PDZD7: variants seen among roughly 807,000 people sequenced by gnomAD.
The protein encoded by PDZD7 is PDZ domain containing 7, also known as PDZ domain-containing protein 7.
In PDZD7, 72 loss-of-function variants were observed where a neutral mutation model predicts 84.7. That is an observed-to-expected ratio of 0.85 (90% CI 0.70 to 1.03). PDZD7 has a LOEUF of 1.03. PDZD7 is among the 50% of genes least tolerant of loss of function. The probability of loss-of-function intolerance (pLI) is 0.00; values close to 1 mark genes in which losing one functional copy is unlikely to be tolerated. For synonymous variants in PDZD7, 594 were observed against 580.7 expected, an observed-to-expected ratio of 1.02 and a Z score of -0.33; for missense variants, 1,490 against 1,412.9, an observed-to-expected ratio of 1.05 and a Z score of -0.87.
chr10:101,008,654 T>C lies in PDZD7; in HGVS notation c.2915A>G (p.Asp972Gly), dbSNP rs1399532886. ...AAGGGGTTGGTGGGCAGGCAAGTGG[T>C]CAGCAGGAAGGCCCCCATCAGTAAG... ...SALTDGGLPA[D>G]HLPAHQPLDA... The change falls in exon 17 of 17, where the codon GAC becomes GGC. Residue 972 changes from aspartate to glycine, a missense_variant. Coordinates refer to ENST00000619208, the MANE Select transcript of PDZD7 (RefSeq NM_001195263.2). The C allele has an allele frequency of 1.3e-6, 2 of 1,535,678 alleles. No individual in the cohort carries two copies. The highest frequency in any genetic ancestry group is 1.7e-6 in the Non-Finnish European group (2 of 1,146,816).
intron 9 of PDZD7, chr10:101,017,838 G>GGAAAGAAA (rs1202852543): frequency 0.1 from 17,369 of 166,602 alleles, 745 homozygotes; most frequent in East Asian, 0.13. Flanking sequence ...AAGGAAGGAA[G>GGAAAGAAA]GAAAGAAAGA....
chr10:101,027,205 C>T (rs1476472563), intron 2 of PDZD7, among the ~76,000 whole-genome samples: 1 of 152,186 alleles, frequency 6.6e-6, no homozygotes, highest in Non-Finnish European at 1.5e-5. Flanking sequence ...GTCTCCTCAC[C>T]ATGCCCTATA....
At chr10:101,013,600 T>C (rs963083458) in intron 11 of PDZD7, among the ~76,000 whole-genome samples, 8 of 152,184 alleles carry the variant, frequency 5.3e-5, no homozygotes, top group Non-Finnish European at 1.2e-4. Flanking sequence ...ATGGGGTCCA[T>C]GAAGAGCCTC....
chr10:101,020,643 A>T lies in PDZD7; in HGVS notation c.903T>A (p.Val301=). ...GTCGGTCCAGCCAGCAGTACTCAGA[A>T]ACCATCTCCTTGTAGGCAGGATACC... ...TGRYPAYKEM[V]SEYCWLDRLS... is the part of the protein sequence containing the mutation. The change falls in exon 7 of 17, where the codon GTT becomes GTA. Residue 301 remains valine, a synonymous_variant. Transcript: ENST00000619208. The T allele has an allele frequency of 6.2e-7, 1 of 1,614,086 alleles. No homozygotes were observed. Among genetic ancestry groups the T allele is most frequent in the South Asian group, 1.1e-5 (1 of 91,068 alleles).
Position 101,008,263 on chromosome 10 carries a change from A to G in PDZD7, c.*204T>C. The stretch of plus-strand genomic sequence containing the variant: ...TGAGTGCAGGTGACACAGGCTGCCC[A>G]CTAGCACCTTGTCCTTGGACACTAA... On this transcript the variant is annotated 3_prime_UTR_variant, in exon 17 of 17. Coordinates refer to ENST00000619208, the MANE Select transcript of PDZD7 (RefSeq NM_001195263.2). 2 of 614,706 alleles carry G rather than the reference A, an allele frequency of 3.3e-6. No homozygotes were observed. Among genetic ancestry groups the G allele is most frequent in the Non-Finnish European group, 5.5e-6 (2 of 363,270 alleles). 38.1% of individuals were successfully genotyped at this position (614,706 alleles called of 1,614,324 possible). A position where few individuals can be genotyped will look rare whatever the true frequency, so the allele number is the denominator to read the frequency against.
Position 101,011,743 on chromosome 10 carries a change from C to T in PDZD7, c.1952G>A (p.Arg651Lys). 1 of 1,548,104 alleles carries T rather than the reference C, an allele frequency of 6.5e-7. No individual in the cohort carries two copies. The highest frequency in any genetic ancestry group is 2.0e-5 in the Admixed American group (1 of 51,004). The change falls in exon 14 of 17, where the codon AGA becomes AAA. Residue 651 changes from arginine to lysine, a missense_variant. Arg to Lys is a conservative substitution (Grantham distance 26, BLOSUM62 2). Coordinates refer to ENST00000619208, the MANE Select transcript of PDZD7 (RefSeq NM_001195263.2). ...KSRAVRPPAL[R>K]PARQDTPPKR... Reference sequence around the variant, plus strand: ...GGGTGGCGTGTCCTGCCGGGCTGGTCTCAAAGCAGGAGGCCGGACTGGTTG... The same window carrying T: ...GGGTGGCGTGTCCTGCCGGGCTGGTTTCAAAGCAGGAGGCCGGACTGGTTG...
Position 101,016,425 on chromosome 10 carries a change from C to G in PDZD7, c.1525G>C (p.Gly509Arg), listed in dbSNP as rs1590053918. ...AACTTCTGTACCGGGCCCACGCCCC[C>G]TGCTATGAAGAAGAAAGAGGCTCAG... ...TYPRLDIEKA[G>R]GVGPVQKFVT... Residue 509 changes from glycine to arginine, a missense_variant and splice_region_variant, in exon 10 of 17, where the codon GGG becomes CGG. By Grantham distance (125) the Gly-to-Arg change is moderately radical. Coordinates refer to ENST00000619208, the MANE Select transcript of PDZD7 (RefSeq NM_001195263.2). The G allele has an allele frequency of 1.3e-6, 2 of 1,550,654 alleles. No homozygotes were observed. Among genetic ancestry groups the G allele is most frequent in the Non-Finnish European group, 1.7e-6 (2 of 1,147,004 alleles).
chr10:101,013,009 A>G (rs922892869), intron 11 of PDZD7, among the ~76,000 whole-genome samples: 2 of 152,218 alleles, frequency 1.3e-5, no homozygotes, highest in Admixed American at 6.5e-5. Context: ...CCTCGTGGCA[A>G]GAGGGAGACT....
At chr10:101,016,817 G>T (rs1852651360) in intron 9 of PDZD7, among the ~76,000 whole-genome samples, 1 of 152,142 alleles carries the variant, frequency 6.6e-6, no homozygotes, top group African/African-American at 2.4e-5. Context: ...CCAGCAGAGG[G>T]CAGGGACTTG....
Position 101,008,296 on chromosome 10 carries a change from C to A in PDZD7, c.*171G>T. On this transcript the variant is annotated 3_prime_UTR_variant, in exon 17 of 17. Coordinates refer to ENST00000619208, the MANE Select transcript of PDZD7 (RefSeq NM_001195263.2). ...CTTGTCCTTGGACACTAAGGCAGAGCCTTAATGACAGCTGAGGAGGGAAGA... is the reference window on the plus strand; with the variant it reads ...CTTGTCCTTGGACACTAAGGCAGAGACTTAATGACAGCTGAGGAGGGAAGA... 1.4e-6 allele frequency: 1 copy of A among 740,272 alleles called. No individual in the cohort carries two copies. The highest frequency in any genetic ancestry group is 2.7e-5 in the East Asian group (1 of 36,950). The allele number at this position is 740,272 out of a possible 1,614,324, so 45.9% of individuals were successfully genotyped here. A position where few individuals can be genotyped will look rare whatever the true frequency, so the allele number is the denominator to read the frequency against.
Position 101,028,378 on chromosome 10 carries a change from A to G in PDZD7, c.226+1616T>C, listed in dbSNP as rs114557272. 6.8e-3 allele frequency among the ~76,000 whole-genome samples: 1,030 copies of G among 152,336 alleles called. 10 individuals carry two copies. The highest frequency in any genetic ancestry group is 0.023 in the African/African-American group (969 of 41,566). ...TGAGGCCGGAAGATCACTTGAGCCTAGGAGTTCAAGACCAGCCTGGGCAAC... is the reference window on the plus strand; with the variant it reads ...TGAGGCCGGAAGATCACTTGAGCCTGGGAGTTCAAGACCAGCCTGGGCAAC... On this transcript the variant is annotated intron_variant, in intron 2 of 16. Coordinates refer to ENST00000619208, the MANE Select transcript of PDZD7 (RefSeq NM_001195263.2).
At chr10:101,017,859 G>GAAAGAA in intron 9 of PDZD7, 1 of 186,760 alleles carries the variant, frequency 5.4e-6, no homozygotes, top group East Asian at 4.0e-5. Flanking sequence ...AAGAAAGAAA[G>GAAAGAA]AAAGAAAGAA....
At chr10:101,028,243 A>G (rs1351268801) in intron 2 of PDZD7, among the ~76,000 whole-genome samples, 2 of 152,140 alleles carry the variant, frequency 1.3e-5, no homozygotes, top group Non-Finnish European at 2.9e-5. Context: ...TGGCGCTAGC[A>G]TGAGGCAGAG....
intron 6 of PDZD7, among the ~76,000 whole-genome samples, chr10:101,021,560 G>A (rs557893040): frequency 6.6e-5 from 10 of 152,262 alleles, no homozygotes; most frequent in Middle Eastern, 3.4e-3. Flanking sequence ...TAGCACTGTG[G>A]GGAGCAGGAC....
chr10:101,017,795 A>AG (rs1852713545), intron 9 of PDZD7: 1 of 467,678 alleles, frequency 2.1e-6, no homozygotes, highest in Admixed American at 4.1e-5. Flanking sequence ...TCAAAAAAAA[A>AG]AAAGAAAGAA....
At chr10:101,020,468 A>T (rs1853020489) in intron 7 of PDZD7, 150 bp downstream of exon 7, 1 of 731,408 alleles carries the variant, frequency 1.4e-6, no homozygotes, top group Non-Finnish European at 2.4e-6. Flanking sequence ...GAACTCCTGT[A>T]CTCAAGCGAT....
chr10:101,017,877 AAG>A (rs1159574731), intron 9 of PDZD7: 2 of 280,420 alleles, frequency 7.1e-6, no homozygotes, highest in East Asian at 7.8e-5. Flanking sequence ...GAAAGAAAGA[AAG>A]AAAGAAAGAA....
At chr10:101,014,671 GACACACAC>G (rs3051191) in intron 11 of PDZD7, among the ~76,000 whole-genome samples, 4 of 149,042 alleles carry the variant, frequency 2.7e-5, no homozygotes, top group African/African-American at 5.0e-5. Context: ...ACAATGCATG[GACACACAC>G]ACACACACAC....
At position 101,020,673 on chromosome 10, in the gene PDZD7, G is replaced by C. The variant is rs752366856; in HGVS notation, c.873C>G (p.Thr291=). 4 of 1,613,776 alleles carry C rather than the reference G, an allele frequency of 2.5e-6. No homozygotes were observed. Among genetic ancestry groups the C allele is most frequent in the Non-Finnish European group, 3.4e-6 (4 of 1,179,686 alleles). ...QTHIMLTIKE[T]GRYPAYKEMV... ...TCTCCTTGTAGGCAGGATACCGGCC[G>C]GTCTCCTGGGGAGGGGATGGTGGGC... The change falls in exon 7 of 17, where the codon ACC becomes ACG. Residue 291 remains threonine, a synonymous_variant. Coordinates refer to ENST00000619208, the MANE Select transcript of PDZD7 (RefSeq NM_001195263.2).
Sources: allele counts gnomAD v4.1 joint callset (sites outside exome capture counted in the v4.1 genomes callset), GRCh38; gene constraint gnomAD v4.1.1; transcripts MANE v1.5; gene names NCBI Gene and HGNC (gene_info 2026-07-23, HGNC 2026-07-21).